NAALADL2: variants seen among roughly 807,000 people sequenced by gnomAD.
The protein encoded by NAALADL2 is N-acetylated alpha-linked acidic dipeptidase like 2.
In NAALADL2, 76 loss-of-function variants were observed where a neutral mutation model predicts 87.2. The observed-to-expected ratio is 0.87, with a 90% confidence interval of 0.72 to 1.05. NAALADL2 has a LOEUF of 1.05. Ranked by LOEUF, NAALADL2 falls within the 50% of genes least tolerant of loss-of-function variation. The pLI is 0.00. For synonymous variants in NAALADL2, 354 were observed against 331.0 expected (o/e 1.07, Z -0.75); for missense variants, 1,089 against 945.8 (o/e 1.15, Z -1.99).
Position 175,804,212 on chromosome 3 carries a change from A to G in NAALADL2, c.*1009A>G, listed in dbSNP as rs1052426150. ...CTGCCTCTGACAAAAAGAACTTACT[A>G]TGAAAGAAATAGTTGTTTTATCAAT... On this transcript the variant is annotated 3_prime_UTR_variant, in exon 14 of 14. Transcript: ENST00000454872. 1.3e-5 allele frequency: 2 copies of G among 151,916 alleles called. No homozygotes were observed. Among genetic ancestry groups the G allele is most frequent in the African/African-American group, 4.8e-5 (2 of 41,430 alleles). 9.4% of individuals were successfully genotyped at this position (151,916 alleles called of 1,614,324 possible).
intron 2 of NAALADL2, among the ~76,000 whole-genome samples, chr3:174,559,921 C>T (rs920285493): frequency 1.3e-5 from 2 of 152,222 alleles, no homozygotes; most frequent in African/African-American, 4.8e-5. Flanking sequence ...ACGGAATCAG[C>T]TCCGACTCTA....
At chr3:175,068,003 C>T (rs923737689) in intron 1 of NAALADL2, among the ~76,000 whole-genome samples, 2 of 151,956 alleles carry the variant, frequency 1.3e-5, no homozygotes, top group Non-Finnish European at 2.9e-5. Context: ...AACCATATAC[C>T]ACATGTTCTC....
At chr3:174,586,966 A>C (rs1716792493) in intron 2 of NAALADL2, among the ~76,000 whole-genome samples, 1 of 151,498 alleles carries the variant, frequency 6.6e-6, no homozygotes, top group East Asian at 2.0e-4. Flanking sequence ...TATATCTCCT[A>C]ATGCTATCCC....
chr3:175,763,649 T>TATA (rs1337419492), intron 13 of NAALADL2, among the ~76,000 whole-genome samples: 1 of 152,148 alleles, frequency 6.6e-6, no homozygotes, highest in Non-Finnish European at 1.5e-5. Flanking sequence ...CACACAAAAA[T>TATA]ATAATGACAA....
intron 1 of NAALADL2, among the ~76,000 whole-genome samples, chr3:174,923,905 C>G (rs1312287320): frequency 1.3e-5 from 2 of 151,960 alleles, no homozygotes; most frequent in African/African-American, 4.8e-5. Context: ...TGCCTTGTCC[C>G]CTGGCAGAGT....
rs561151953 is a variant in NAALADL2, at chr3:175,210,817, T to C, written c.546-23114T>C. Among the ~76,000 whole-genome samples the C allele has an allele frequency of 4.0e-5, 6 of 151,898 alleles. No individual in the cohort carries two copies. The South Asian group carries it at 1.2e-3, about 31-fold the overall frequency. ...TACTGCCTATGTCATTTAAAAAATG[T>C]TTTAAATTTCAAAATTTAAAATATT... is the stretch of plus-strand genomic sequence containing the variant. On this transcript the variant is annotated intron_variant, in intron 2 of 13. Transcript: ENST00000454872.
chr3:174,940,585 A>G (rs1448768235), intron 1 of NAALADL2, among the ~76,000 whole-genome samples: 2 of 152,050 alleles, frequency 1.3e-5, no homozygotes, highest in African/African-American at 2.4e-5. Context: ...TTCAGTAGGA[A>G]TGGTACCAGC....
chr3:175,760,881 T>A (rs2150148076), intron 13 of NAALADL2, among the ~76,000 whole-genome samples: 1 of 152,336 alleles, frequency 6.6e-6, no homozygotes. Context: ...TAGTCTTTAT[T>A]TTTTAAAGCA....
At chr3:175,170,567 A>T (rs1734662427) in intron 2 of NAALADL2, among the ~76,000 whole-genome samples, 1 of 149,884 alleles carries the variant, frequency 6.7e-6, no homozygotes. Flanking sequence ...TCTGTTTGCC[A>T]CTTCAATGGC....
intron 2 of NAALADL2, among the ~76,000 whole-genome samples, chr3:175,233,086 A>G (rs943267082): frequency 3.9e-5 from 6 of 152,164 alleles, no homozygotes; most frequent in Admixed American, 6.6e-5. Flanking sequence ...ACAACACAAC[A>G]TTAATTTCCC....
intron 2 of NAALADL2, among the ~76,000 whole-genome samples, chr3:174,563,718 T>C (rs1713902071): frequency 6.6e-6 from 1 of 152,182 alleles, no homozygotes; most frequent in Non-Finnish European, 1.5e-5. Flanking sequence ...TGTAGGTTTG[T>C]TTGTGTTTAC....
intron 1 of NAALADL2, among the ~76,000 whole-genome samples, chr3:174,443,426 GATA>G (rs1161912110): frequency 3.3e-5 from 5 of 152,344 alleles, no homozygotes; most frequent in Non-Finnish European, 5.9e-5. Context: ...CAACTGGAAA[GATA>G]AGAGTTTCTG....
At chr3:174,442,042 CATT>C (rs1714690689) in intron 1 of NAALADL2, among the ~76,000 whole-genome samples, 1 of 151,844 alleles carries the variant, frequency 6.6e-6, no homozygotes, top group South Asian at 2.1e-4. Flanking sequence ...TCTTGACAAA[CATT>C]AAAAATTATG....
chr3:174,983,722 A>G (rs1395702298), intron 1 of NAALADL2, among the ~76,000 whole-genome samples: 1 of 152,156 alleles, frequency 6.6e-6, no homozygotes, highest in African/African-American at 2.4e-5. Context: ...CCCGACTCCT[A>G]ATACCATTAC....
chr3:175,702,431 G>A lies in NAALADL2; in HGVS notation c.1897-34875G>A, dbSNP rs923342593. On this transcript the variant is annotated intron_variant, in intron 11 of 13. Transcript: ENST00000454872. Reference sequence around the variant, plus strand: ...CATTTAATCAAAACATCTTAAAAGAGAATTTACTGTGGGAGACTTACTAGG... The same window carrying A: ...CATTTAATCAAAACATCTTAAAAGAAAATTTACTGTGGGAGACTTACTAGG... Among the ~76,000 whole-genome samples the A allele has an allele frequency of 2.0e-5, 3 of 151,742 alleles. No individual in the cohort carries two copies. The South Asian group carries it at 6.2e-4, about 31-fold the overall frequency.
At chr3:175,613,158 A>G (rs969823395) in intron 10 of NAALADL2, among the ~76,000 whole-genome samples, 3 of 152,206 alleles carry the variant, frequency 2.0e-5, no homozygotes, top group African/African-American at 7.2e-5. Flanking sequence ...TATGCAGAAC[A>G]TCTATCTCCC....
chr3:174,877,446 A>C (rs17527294), intron 1 of NAALADL2, among the ~76,000 whole-genome samples: 1 of 151,954 alleles, frequency 6.6e-6, no homozygotes, highest in African/African-American at 2.4e-5. Flanking sequence ...TCCATTCTCA[A>C]TTCTCCCTAT....
At chr3:174,580,658 C>A (rs1716067413) in intron 2 of NAALADL2, among the ~76,000 whole-genome samples, 2 of 152,076 alleles carry the variant, frequency 1.3e-5, no homozygotes, top group Admixed American at 1.3e-4. Flanking sequence ...TATTCTCTCT[C>A]TCTCTATGTA....
intron 5 of NAALADL2, among the ~76,000 whole-genome samples, chr3:175,400,511 G>C (rs373723356): frequency 6.6e-6 from 1 of 152,114 alleles, no homozygotes; most frequent in Non-Finnish European, 1.5e-5. Flanking sequence ...TACAAGATCA[G>C]TAAAAAGAGA....
Sources: gnomAD v4.1 joint callset for allele counts (sites outside exome capture counted in the v4.1 genomes callset) on GRCh38, gnomAD v4.1.1 for gene constraint, MANE v1.5 for transcripts, NCBI Gene and HGNC (gene_info 2026-07-23, HGNC 2026-07-21) for gene names.